Variants in LEKR1 observed in about 807,000 individuals in gnomAD.
LEKR1 encodes the protein leucine, glutamate and lysine rich 1, also known as protein LEKR1.
In LEKR1, 59 loss-of-function variants were observed where a neutral mutation model predicts 72.4. The observed-to-expected ratio is 0.82, with a 90% CI of 0.66 to 1.01. LEKR1 has a LOEUF of 1.01. Ranked by LOEUF, LEKR1 falls within the 50% of genes least tolerant of loss-of-function variation. The probability of loss-of-function intolerance (pLI) is 0.00; values close to 1 mark genes in which losing one functional copy is unlikely to be tolerated. For synonymous variants in LEKR1, 257 were observed against 263.2 expected (o/e 0.98, Z 0.23); for missense variants, 728 against 759.2 (o/e 0.96, Z 0.48).
chr3:156,833,466 T>C (rs1191521513), intron 2 of LEKR1, among the ~76,000 whole-genome samples: 2 of 152,232 alleles, frequency 1.3e-5, no homozygotes, highest in Non-Finnish European at 2.9e-5. Context: ...TGGCATACAA[T>C]TTAATATAAC....
intron 4 of LEKR1, 69 bp from the exon 5 acceptor site, chr3:156,927,360 C>A: frequency 1.6e-6 from 1 of 626,164 alleles, no homozygotes; most frequent in Non-Finnish European, 2.2e-6. Flanking sequence ...CACTCTAAAA[C>A]TATTTTTGAA....
chr3:157,029,519 G>T (rs1243402217), intron 12 of LEKR1, among the ~76,000 whole-genome samples: 1 of 152,082 alleles, frequency 6.6e-6, no homozygotes, highest in Non-Finnish European at 1.5e-5. Context: ...TTATTATTCT[G>T]CTTCTGTATT....
At chr3:156,933,264 A>G (rs1292420899) in intron 5 of LEKR1, among the ~76,000 whole-genome samples, 1 of 152,172 alleles carries the variant, frequency 6.6e-6, no homozygotes, top group Non-Finnish European at 1.5e-5. Context: ...CATTATTTAA[A>G]CATTCATATA....
chr3:156,924,539 CAGA>C, intron 4 of LEKR1: 1 of 670,760 alleles, frequency 1.5e-6, no homozygotes, highest in South Asian at 1.6e-5. Context: ...CTAAGCCGGT[CAGA>C]AGGATTTTCT....
chr3:156,883,007 T>A (rs1441937125), intron 3 of LEKR1, among the ~76,000 whole-genome samples: 1 of 145,976 alleles, frequency 6.9e-6, no homozygotes, highest in African/African-American at 2.6e-5. Context: ...TGTTGTGGGT[T>A]GGGGGGAGGG....
At chr3:157,011,315 A>T in intron 9 of LEKR1, 98 bp from the exon 10 acceptor site, 1 of 775,228 alleles carries the variant, frequency 1.3e-6, no homozygotes, top group Non-Finnish European at 2.2e-6. Context: ...AAATAAACAG[A>T]CTAAGTTTTG....
intron 7 of LEKR1, among the ~76,000 whole-genome samples, chr3:156,981,927 T>TA (rs1407998845): frequency 6.6e-6 from 1 of 152,220 alleles, no homozygotes; most frequent in Non-Finnish European, 1.5e-5. Flanking sequence ...TTTTAATCCT[T>TA]ATTCTTTGTG....
intron 9 of LEKR1, among the ~76,000 whole-genome samples, chr3:157,004,485 TACA>T (rs1379077930): frequency 6.6e-6 from 1 of 152,164 alleles, no homozygotes; most frequent in Non-Finnish European, 1.5e-5. Context: ...TTGACATTTA[TACA>T]ACATTTCACC....
At chr3:156,910,282 G>T (rs1189748300) in intron 3 of LEKR1, among the ~76,000 whole-genome samples, 1 of 152,114 alleles carries the variant, frequency 6.6e-6, no homozygotes, top group African/African-American at 2.4e-5. Context: ...AGCCCATACT[G>T]CTCTCCTTCC....
At chr3:157,002,626 C>T (rs1732101050) in intron 9 of LEKR1, among the ~76,000 whole-genome samples, 1 of 152,114 alleles carries the variant, frequency 6.6e-6, no homozygotes, top group South Asian at 2.1e-4. Context: ...GGAATGGAGG[C>T]TCAGCAGGGA....
intron 5 of LEKR1, among the ~76,000 whole-genome samples, chr3:156,937,051 A>T (rs1467400662): frequency 6.6e-6 from 1 of 152,118 alleles, no homozygotes; most frequent in East Asian, 1.9e-4. Context: ...CTGAGGTGGG[A>T]GGACTGCTTA....
chr3:156,856,430 T>C (rs922288462), intron 3 of LEKR1, among the ~76,000 whole-genome samples: 1 of 152,186 alleles, frequency 6.6e-6, no homozygotes, highest in Non-Finnish European at 1.5e-5. Flanking sequence ...TTTTAGTATA[T>C]TTTCTTTTCT....
At chr3:157,040,937 T>C (rs1181288183) in intron 12 of LEKR1, among the ~76,000 whole-genome samples, 1 of 152,140 alleles carries the variant, frequency 6.6e-6, no homozygotes, top group Non-Finnish European at 1.5e-5. Flanking sequence ...CCACTGTTTT[T>C]GAAATTTAAA....
intron 3 of LEKR1, chr3:156,888,330 A>AGT: frequency 1.4e-6 from 1 of 702,332 alleles, no homozygotes; most frequent in Non-Finnish European, 2.6e-6. Flanking sequence ...TTAGACTGGA[A>AGT]GTAGAACATT....
chr3:157,011,376 TAAG>T (rs761376973), intron 9 of LEKR1, 34 bp from the exon 10 acceptor site: 12 of 1,341,720 alleles, frequency 8.9e-6, no homozygotes, highest in Non-Finnish European at 1.3e-5. Context: ...GTGTTAGGGG[TAAG>T]TATTGACTCA....
chr3:156,878,059 G>A (rs1288365084), intron 3 of LEKR1, among the ~76,000 whole-genome samples: 1 of 151,810 alleles, frequency 6.6e-6, no homozygotes, highest in South Asian at 2.1e-4. Flanking sequence ...GGGATTACAG[G>A]TGTGAGCCAC....
At chr3:156,999,149 C>T (rs536171927) in intron 9 of LEKR1, among the ~76,000 whole-genome samples, 2 of 152,242 alleles carry the variant, frequency 1.3e-5, no homozygotes, top group South Asian at 4.1e-4. Flanking sequence ...TTCCTGAGGC[C>T]TCCCAAGCAA....
chr3:156,979,062 C>T (rs1300389889), intron 6 of LEKR1, 132 bp from the exon 7 acceptor site: 2 of 386,310 alleles, frequency 5.2e-6, no homozygotes, highest in South Asian at 4.1e-5. Context: ...TATGGACATA[C>T]AGGCAAAGTG....
At chr3:156,889,195 A>G (rs1038260198) in intron 3 of LEKR1, among the ~76,000 whole-genome samples, 2 of 151,962 alleles carry the variant, frequency 1.3e-5, no homozygotes, top group Admixed American at 1.3e-4. Flanking sequence ...ATATGCTATT[A>G]TGGGAGGGAG....
Sources: allele counts gnomAD v4.1 joint callset (sites outside exome capture counted in the v4.1 genomes callset), GRCh38; gene constraint gnomAD v4.1.1; transcripts MANE v1.5; gene names NCBI Gene and HGNC (gene_info 2026-07-23, HGNC 2026-07-21).